The following SLC25A21 variants were observed in gnomAD, a reference collection of about 807,000 sequenced individuals.
SLC25A21 encodes the protein solute carrier family 25 member 21.
Under a neutral mutation model 43.8 loss-of-function variants are expected in SLC25A21, and 47 were observed. That is an observed-to-expected ratio of 1.07 (90% CI 0.85 to 1.37). The LOEUF is 1.37. Ranked by LOEUF, SLC25A21 falls within the 40% of genes most tolerant of loss-of-function variation. The pLI is 0.00. For missense variants in SLC25A21, 352 were observed against 350.2 expected, an observed-to-expected ratio of 1.00 and a Z score of -0.04; for synonymous variants, 131 against 121.3, an observed-to-expected ratio of 1.08 and a Z score of -0.52.
At chr14:36,786,091 G>A (rs941239689) in intron 3 of SLC25A21, among the ~76,000 whole-genome samples, 4 of 152,238 alleles carry the variant, frequency 2.6e-5, no homozygotes, top group Admixed American at 6.5e-5. Flanking sequence ...AAGCAAGAGC[G>A]TGGGCTCTGG....
chr14:37,107,630 A>G (rs1439189194), intron 1 of SLC25A21, among the ~76,000 whole-genome samples: 1 of 152,142 alleles, frequency 6.6e-6, no homozygotes, highest in Non-Finnish European at 1.5e-5. Context: ...CATTCAATCC[A>G]TATCATAGCC....
chr14:36,921,913 G>C (rs1477913263), intron 1 of SLC25A21, among the ~76,000 whole-genome samples: 2 of 151,942 alleles, frequency 1.3e-5, no homozygotes, highest in Non-Finnish European at 2.9e-5. Flanking sequence ...GGGAGGCCAA[G>C]ATGAGTGAAA....
chr14:36,990,422 G>C (rs1304182706), intron 1 of SLC25A21, among the ~76,000 whole-genome samples: 1 of 152,058 alleles, frequency 6.6e-6, no homozygotes, highest in Non-Finnish European at 1.5e-5. Context: ...ATGAGACTCT[G>C]AAATTATTTA....
chr14:37,154,334 C>T (rs1016756519), intron 1 of SLC25A21, among the ~76,000 whole-genome samples: 22 of 152,156 alleles, frequency 1.4e-4, no homozygotes, highest in Non-Finnish European at 2.6e-4. Context: ...CCAAAGTGCC[C>T]TACCTAACAA....
chr14:37,081,146 T>G (rs1239410305), intron 1 of SLC25A21, among the ~76,000 whole-genome samples: 1 of 152,198 alleles, frequency 6.6e-6, no homozygotes, highest in African/African-American at 2.4e-5. Flanking sequence ...AAAGTGTTTT[T>G]GTGAACTCTT....
chr14:36,809,011 A>C (rs1888139920), intron 3 of SLC25A21: 1 of 152,194 alleles, frequency 6.6e-6, no homozygotes, highest in Non-Finnish European at 1.5e-5. Flanking sequence ...AATAACAAGT[A>C]CAAAAGAGAC....
chr14:37,034,024 C>CAT (rs1555343184), intron 1 of SLC25A21, among the ~76,000 whole-genome samples: 6 of 147,928 alleles, frequency 4.1e-5, no homozygotes, highest in African/African-American at 1.5e-4. Context: ...CACAATTTTG[C>CAT]TTTTTTTTTT....
At chr14:37,083,994 T>C (rs1400299864) in intron 1 of SLC25A21, among the ~76,000 whole-genome samples, 1 of 152,220 alleles carries the variant, frequency 6.6e-6, no homozygotes, top group Non-Finnish European at 1.5e-5. Context: ...CTGTGCCATA[T>C]CCTTTAAGCA....
chr14:37,045,670 T>A (rs1357802364), intron 1 of SLC25A21, among the ~76,000 whole-genome samples: 1 of 152,228 alleles, frequency 6.6e-6, no homozygotes, highest in Non-Finnish European at 1.5e-5. Flanking sequence ...AAGGTCAGGC[T>A]CTGAACAGCC....
At chr14:36,714,571 G>A (rs1884041147) in intron 6 of SLC25A21, among the ~76,000 whole-genome samples, 1 of 152,206 alleles carries the variant, frequency 6.6e-6, no homozygotes, top group African/African-American at 2.4e-5. Context: ...GGGAAGAAAG[G>A]CTGGCAATGG....
intron 2 of SLC25A21, among the ~76,000 whole-genome samples, chr14:36,863,640 T>C (rs1214248786): frequency 6.6e-6 from 1 of 152,174 alleles, no homozygotes; most frequent in Non-Finnish European, 1.5e-5. Context: ...TAAAAGAGGA[T>C]TTTCCTCCTT....
Position 36,678,446 on chromosome 14 carries a change from G to C in SLC25A21, c.*2212C>G. On this transcript the variant is annotated 3_prime_UTR_variant, in exon 10 of 10. Coordinates refer to ENST00000331299, the MANE Select transcript of SLC25A21 (RefSeq NM_030631.4). ...ACTCTCAGGGCCATAGTCTTCCTTT[G>C]ATCTTGTAAAACTTCCATTGACATC... is the stretch of plus-strand genomic sequence containing the variant. 1.3e-6 allele frequency: 2 copies of C among 1,486,324 alleles called. No individual in the cohort carries two copies. The highest frequency in any genetic ancestry group is 9.1e-7 in the Non-Finnish European group (1 of 1,100,448). 92.1% of individuals were successfully genotyped at this position (1,486,324 alleles called of 1,614,324 possible).
chr14:37,100,092 T>G (rs1451260268), intron 1 of SLC25A21, among the ~76,000 whole-genome samples: 1 of 151,962 alleles, frequency 6.6e-6, no homozygotes, highest in Non-Finnish European at 1.5e-5. Context: ...GGAGTCTCAC[T>G]CTGTTGCCCA....
At chr14:36,872,152 T>C (rs1890391906) in intron 2 of SLC25A21, among the ~76,000 whole-genome samples, 1 of 152,190 alleles carries the variant, frequency 6.6e-6, no homozygotes, top group Admixed American at 6.5e-5. Flanking sequence ...TGACTATTAT[T>C]ACTTAAGGAG....
chr14:36,946,519 A>T (rs1892683000), intron 1 of SLC25A21, among the ~76,000 whole-genome samples: 1 of 152,164 alleles, frequency 6.6e-6, no homozygotes, highest in Admixed American at 6.5e-5. Flanking sequence ...TGTGTCCTTA[A>T]ATCTTTCAAT....
At chr14:36,973,369 A>G (rs910763588) in intron 1 of SLC25A21, among the ~76,000 whole-genome samples, 1 of 152,170 alleles carries the variant, frequency 6.6e-6, no homozygotes, top group African/African-American at 2.4e-5. Context: ...AAGGCACGTG[A>G]GAAACATAGC....
intron 3 of SLC25A21, among the ~76,000 whole-genome samples, chr14:36,778,495 A>C (rs1000732373): frequency 6.6e-6 from 1 of 152,218 alleles, no homozygotes; most frequent in Non-Finnish European, 1.5e-5. Flanking sequence ...TCACTCATTC[A>C]TTCACTCTTA....
chr14:36,958,712 CACACACAT>C (rs377643566), intron 1 of SLC25A21, among the ~76,000 whole-genome samples: 2 of 137,814 alleles, frequency 1.5e-5, no homozygotes, highest in African/African-American at 2.8e-5. Context: ...CACACACACA[CACACACAT>C]GCAACAGAGC....
At chr14:37,040,223 A>G (rs368674377) in intron 1 of SLC25A21, among the ~76,000 whole-genome samples, 792 of 13,518 alleles carry the variant, frequency 0.059, 148 homozygotes, top group African/African-American at 0.23. Context: ...AAAAAGAAAA[A>G]GAAAAAGAAA....
Sources: gnomAD v4.1 joint callset for allele counts (sites outside exome capture counted in the v4.1 genomes callset) on GRCh38, gnomAD v4.1.1 for gene constraint, MANE v1.5 for transcripts, NCBI Gene and HGNC (gene_info 2026-07-23, HGNC 2026-07-21) for gene names.